Variants in NAV2 observed in about 807,000 individuals in gnomAD.
NAV2 encodes the protein neuron navigator 2.
Under a neutral mutation model 223.2 loss-of-function variants are expected in NAV2, and 54 were observed. The ratio of observed to expected loss-of-function variants is 0.24; its 90% CI spans 0.19 to 0.30. The LOEUF (loss-of-function observed/expected upper bound fraction) is 0.30, where lower values mean the gene tolerates loss of function less well. NAV2 is among the 10% of genes least tolerant of loss of function. The probability of loss-of-function intolerance (pLI) is 1.00; values close to 1 mark genes in which losing one functional copy is unlikely to be tolerated. For synonymous variants in NAV2, 1,279 were observed against 1,239.3 expected (o/e 1.03, Z -0.67); for missense variants, 2,806 against 3,147.5 (o/e 0.89, Z 2.60).
At chr11:20,002,768 G>T (rs1308580561) in intron 11 of NAV2, among the ~76,000 whole-genome samples, 1 of 152,128 alleles carries the variant, frequency 6.6e-6, no homozygotes, top group Non-Finnish European at 1.5e-5. Context: ...GTGTTCCACT[G>T]TGCCCTTCAG....
chr11:20,114,887 C>T, intron 37 of NAV2, 92 bp downstream of exon 37: 1 of 1,259,432 alleles, frequency 7.9e-7, no homozygotes, highest in Admixed American at 2.2e-5. Flanking sequence ...ACAAAGGTGA[C>T]TAAATCCAGC....
At chr11:19,913,011 G>C (rs1006607294) in intron 6 of NAV2, among the ~76,000 whole-genome samples, 3 of 152,140 alleles carry the variant, frequency 2.0e-5, no homozygotes, top group Non-Finnish European at 4.4e-5. Flanking sequence ...AGTTTGGCTT[G>C]TTTCTGTGCA....
In NAV2 at chr11:19,361,041, C is replaced by T. The variant is rs141495692; in HGVS notation, c.75+10014C>T. ...AGTTTCAATCCTGGCCTCAGAAAGT[C>T]CTGGGAAAAAGTCCAGAAATCTTGG... On this transcript the variant is annotated intron_variant, in intron 1 of 37. Coordinates refer to the NAV2 transcript ENST00000360655. 6.2e-4 allele frequency among the ~76,000 whole-genome samples: 95 copies of T among 152,022 alleles called. 1 individual carries two copies. The highest frequency in any genetic ancestry group is 2.1e-3 in the African/African-American group (89 of 41,510).
At chr11:19,384,529 G>C (rs1231650011) in intron 1 of NAV2, 1 of 152,204 alleles carries the variant, frequency 6.6e-6, no homozygotes, top group Non-Finnish European at 1.5e-5. Flanking sequence ...TTAATTGGGT[G>C]CTGGTTGTTG....
At chr11:20,016,917 A>G (rs996828651) in intron 11 of NAV2, among the ~76,000 whole-genome samples, 25 of 151,952 alleles carry the variant, frequency 1.6e-4, no homozygotes, top group African/African-American at 5.8e-4. Context: ...GAGGCATGAG[A>G]ATTGCATGAA....
At chr11:19,582,894 T>C (rs1188327283) in intron 1 of NAV2, among the ~76,000 whole-genome samples, 1 of 151,820 alleles carries the variant, frequency 6.6e-6, no homozygotes, top group East Asian at 1.9e-4. Flanking sequence ...TTTAAAGTAG[T>C]TTTTTCCAAT....
chr11:20,092,987 T>TCCCCCCCCCCCCC, intron 28 of NAV2, 112 bp from the exon 29 acceptor site: 1 of 81,634 alleles, frequency 1.2e-5, no homozygotes, highest in Non-Finnish European at 2.9e-5. Context: ...CCCCACCCCC[T>TCCCCCCCCCCCCC]GCACCCTGAC....
At chr11:20,025,302 T>G (rs12577511) in intron 11 of NAV2, among the ~76,000 whole-genome samples, 19,431 of 152,286 alleles carry the variant, frequency 0.13, 1,284 homozygotes, top group Middle Eastern at 0.23. Flanking sequence ...TGTTTACTGT[T>G]ATTTTCATTT....
At chr11:19,502,127 G>A (rs1283414217) in intron 1 of NAV2, among the ~76,000 whole-genome samples, 1 of 152,174 alleles carries the variant, frequency 6.6e-6, no homozygotes, top group African/African-American at 2.4e-5. Context: ...ATAAATGGAA[G>A]AGATCTAAGA....
At chr11:19,862,343 G>A (rs2707095) in intron 3 of NAV2, among the ~76,000 whole-genome samples, 35,882 of 152,188 alleles carry the variant, frequency 0.24, 4,495 homozygotes, top group South Asian at 0.42. Flanking sequence ...AAGCAGTCTG[G>A]CATAGGGACT....
intron 1 of NAV2, among the ~76,000 whole-genome samples, chr11:19,377,511 C>G (rs2729842): frequency 0.35 from 52,628 of 152,056 alleles, 9,181 homozygotes; most frequent in East Asian, 0.5. Flanking sequence ...GCATGCCTCT[C>G]TCTCCACTTG....
At chr11:19,996,742 C>T (rs1193237560) in intron 11 of NAV2, among the ~76,000 whole-genome samples, 1 of 152,158 alleles carries the variant, frequency 6.6e-6, no homozygotes, top group African/African-American at 2.4e-5. Flanking sequence ...CAGCTGCAGT[C>T]CTGTTATTTT....
chr11:19,391,700 T>TG (rs929191031), intron 1 of NAV2, among the ~76,000 whole-genome samples: 1 of 148,202 alleles, frequency 6.7e-6, no homozygotes, highest in Non-Finnish European at 1.5e-5. Context: ...GGGCAGGAAC[T>TG]GGGGGGGATG....
At chr11:19,650,694 G>C (rs2047946086) in intron 1 of NAV2, among the ~76,000 whole-genome samples, 1 of 152,164 alleles carries the variant, frequency 6.6e-6, no homozygotes, top group Non-Finnish European at 1.5e-5. Flanking sequence ...ACAAGTAAAT[G>C]GATATGCAAA....
At chr11:19,732,496 C>T (rs930128430) in intron 1 of NAV2, among the ~76,000 whole-genome samples, 6 of 152,160 alleles carry the variant, frequency 3.9e-5, no homozygotes, top group African/African-American at 1.4e-4. Context: ...TTAAGAGGGT[C>T]TTAGTTGAGT....
At chr11:19,558,652 GCATTTTCA>G (rs2044986977) in intron 1 of NAV2, among the ~76,000 whole-genome samples, 1 of 152,188 alleles carries the variant, frequency 6.6e-6, no homozygotes, top group East Asian at 1.9e-4. Context: ...AATTTATAGA[GCATTTTCA>G]CTTAACACCC....
chr11:19,462,530 A>T (rs1413859734), intron 1 of NAV2, among the ~76,000 whole-genome samples: 1 of 152,238 alleles, frequency 6.6e-6, no homozygotes, highest in African/African-American at 2.4e-5. Flanking sequence ...TCAATGAGTG[A>T]ATCAGCAATA....
intron 1 of NAV2, among the ~76,000 whole-genome samples, chr11:19,561,451 C>T (rs181918643): frequency 1.3e-5 from 2 of 152,242 alleles, no homozygotes; most frequent in East Asian, 3.9e-4. Context: ...TTCAGAAATC[C>T]AAGGCTTATA....
chr11:20,048,660 C>A, intron 14 of NAV2, 68 bp from the exon 15 acceptor site: 1 of 1,360,774 alleles, frequency 7.3e-7, no homozygotes, highest in Non-Finnish European at 1.0e-6. Flanking sequence ...CTGCCCTACC[C>A]TTCTTTAACA....
Sources: gnomAD v4.1 joint callset for allele counts (sites outside exome capture counted in the v4.1 genomes callset) on GRCh38, gnomAD v4.1.1 for gene constraint, MANE v1.5 for transcripts, NCBI Gene and HGNC (gene_info 2026-07-23, HGNC 2026-07-21) for gene names.